Variants in CLTB observed in about 807,000 individuals in gnomAD.
CLTB encodes the protein clathrin, light chain (Lcb).
CLTB carries 10 observed loss-of-function variants against 30.5 expected under a neutral mutation model. The ratio of observed to expected loss-of-function variants is 0.33; its 90% CI spans 0.20 to 0.56. CLTB has a LOEUF of 0.56. CLTB is among the 20% of genes least tolerant of loss of function. The probability of loss-of-function intolerance (pLI) is 0.91; values close to 1 mark genes in which losing one functional copy is unlikely to be tolerated. For synonymous variants in CLTB, 102 were observed against 120.3 expected, an observed-to-expected ratio of 0.85 and a Z score of 1.00; for missense variants, 261 against 308.3, an observed-to-expected ratio of 0.85 and a Z score of 1.15.
chr5:176,397,747 G>C, intron 3 of CLTB, 29 bp from the exon 4 acceptor site: 1 of 1,598,144 alleles, frequency 6.3e-7, no homozygotes, highest in Non-Finnish European at 8.6e-7. Flanking sequence ...ATGAGTGGCT[G>C]CTTTCCAGCT....
intron 2 of CLTB, among the ~76,000 whole-genome samples, chr5:176,404,549 G>A (rs759496789): frequency 6.6e-6 from 1 of 152,160 alleles, no homozygotes; most frequent in Admixed American, 6.5e-5. Context: ...CTAAACCTCC[G>A]CTGCAGCCTG....
rs867203751 is a variant in CLTB, at chr5:176,412,036, C to T, written c.188-1733G>A. ...CTAAAAATACAAAAAATTAGCCAGG[C>T]GTGGTGGCAGGCGCCTGTAGTCCCA... On this transcript the variant is annotated intron_variant, in intron 1 of 5. Coordinates refer to ENST00000310418, the MANE Select transcript of CLTB (RefSeq NM_007097.5). Among the ~76,000 whole-genome samples, 56 of 152,068 alleles carry T rather than the reference C, an allele frequency of 3.7e-4. 1 individual carries two copies. The highest frequency in any genetic ancestry group is 8.3e-4 in the South Asian group (4 of 4,808).
intron 4 of CLTB, among the ~76,000 whole-genome samples, chr5:176,397,117 G>GACAT (rs1318789176): frequency 6.6e-6 from 1 of 152,090 alleles, no homozygotes; most frequent in Non-Finnish European, 1.5e-5. Flanking sequence ...GCCCTTTGAG[G>GACAT]ACATAAGGCT....
intron 2 of CLTB, chr5:176,406,630 T>G (rs1301435146): frequency 1.2e-5 from 16 of 1,289,404 alleles, no homozygotes; most frequent in Non-Finnish European, 1.6e-5. Flanking sequence ...CAAATGGAAC[T>G]GGAATAGTTG....
At chr5:176,415,027 A>G (rs142302570) in intron 1 of CLTB, among the ~76,000 whole-genome samples, 113 of 152,336 alleles carry the variant, frequency 7.4e-4, no homozygotes, top group African/African-American at 2.6e-3. Flanking sequence ...CCTTTCCAAA[A>G]TGACATCAAC....
rs1216104150 is a variant in CLTB at position 176,393,061 on chromosome 5, G to GC, written c.519-117dup. The GC allele has an allele frequency of 4.1e-5, 49 of 1,198,394 alleles. No homozygotes were observed. The highest frequency in any genetic ancestry group is 5.7e-5 in the Non-Finnish European group (47 of 827,330). The allele number at this position is 1,198,394 out of a possible 1,614,324, so 74.2% of individuals were successfully genotyped here. A position where few individuals can be genotyped will look rare whatever the true frequency, so the allele number is the denominator to read the frequency against. ...GGCACTGTGTCCTCCCCAGCCTTGTGCCCCCCTGACTTCAGAGGAGGGCAG... is the reference window on the plus strand; with the variant it reads ...GGCACTGTGTCCTCCCCAGCCTTGTGCCCCCCCTGACTTCAGAGGAGGGCAG... On this transcript the variant is annotated intron_variant, in intron 5 of 5. Transcript: ENST00000310418. This position sits in a 1 kb window ranked among gnomAD's most constrained non-coding sequence, Gnocchi z 4.4.
intron 2 of CLTB, among the ~76,000 whole-genome samples, chr5:176,398,946 G>A (rs549638718): frequency 4.6e-5 from 7 of 151,790 alleles, no homozygotes; most frequent in African/African-American, 9.7e-5. Flanking sequence ...AGGTTCAAGC[G>A]ATTTTCCTAC....
chr5:176,416,542 G>T (rs1170791071), upstream of CLTB: 2 of 351,726 alleles, frequency 5.7e-6, no homozygotes, highest in Admixed American at 5.4e-5. Flanking sequence ...CTGTCACTGC[G>T]GTGCGGGCGC....
At chr5:176,406,916 G>T (rs75033944) in intron 2 of CLTB, among the ~76,000 whole-genome samples, 3 of 152,186 alleles carry the variant, frequency 2.0e-5, no homozygotes, top group Non-Finnish European at 4.4e-5. Flanking sequence ...AAAGCACACC[G>T]GGTCGGAGCC....
intron 5 of CLTB, among the ~76,000 whole-genome samples, chr5:176,396,089 C>T (rs1268845210): frequency 6.6e-6 from 1 of 152,060 alleles, no homozygotes. Context: ...GAGCCGAGAT[C>T]GCAGCACTGC....
chr5:176,415,452 G>T (rs746123134), intron 1 of CLTB, among the ~76,000 whole-genome samples: 3 of 152,180 alleles, frequency 2.0e-5, no homozygotes, highest in Non-Finnish European at 4.4e-5. Flanking sequence ...GGAGGCAGAG[G>T]TGGGAGGATT....
At chr5:176,415,442 G>C (rs1757645701) in intron 1 of CLTB, among the ~76,000 whole-genome samples, 1 of 152,148 alleles carries the variant, frequency 6.6e-6, no homozygotes, top group African/African-American at 2.4e-5. Context: ...CAACACTTTA[G>C]GAGGCAGAGG....
rs1477470328 is a variant in CLTB at position 176,392,644 on chromosome 5, G to A, written c.*130C>T. On this transcript the variant is annotated 3_prime_UTR_variant, in exon 6 of 6. Transcript: ENST00000310418. The surrounding 1 kb of genome is among the most constrained non-coding windows in gnomAD (Gnocchi z 5.2). ...ATGGGGTGAGGGCCCCCCTCCCAGC[G>A]CCTGGAGATGGGGAGGAGTGGAATA... 7 of 1,078,802 alleles carry A rather than the reference G, an allele frequency of 6.5e-6. No individual in the cohort carries two copies. The highest frequency in any genetic ancestry group is 1.6e-5 in the African/African-American group (1 of 64,080). The allele number at this position is 1,078,802 out of a possible 1,614,324, so 66.8% of individuals were successfully genotyped here. A position where few individuals can be genotyped will look rare whatever the true frequency, so the allele number is the denominator to read the frequency against.
intron 2 of CLTB, among the ~76,000 whole-genome samples, chr5:176,408,106 C>T (rs62402501): frequency 0.22 from 33,162 of 151,998 alleles, 3,634 homozygotes; most frequent in Middle Eastern, 0.29. Flanking sequence ...TATTGCATGC[C>T]TCTGTGGTCT....
intron 1 of CLTB, among the ~76,000 whole-genome samples, chr5:176,413,699 G>A (rs1002954998): frequency 1.3e-5 from 2 of 152,196 alleles, no homozygotes; most frequent in African/African-American, 2.4e-5. Context: ...CAGGCTCCTG[G>A]CACACATCCC....
intron 2 of CLTB, among the ~76,000 whole-genome samples, chr5:176,407,277 G>C (rs1757179594): frequency 6.6e-6 from 1 of 152,154 alleles, no homozygotes; most frequent in Admixed American, 6.5e-5. Context: ...TAATCTTTAG[G>C]AAAGGTAAAT....
intron 2 of CLTB, 147 bp downstream of exon 2, chr5:176,410,110 C>G: frequency 1.4e-6 from 1 of 693,476 alleles, no homozygotes; most frequent in South Asian, 1.9e-5. Context: ...AAAAAAATTC[C>G]AAAAACCTTT....
At position 176,398,053 on chromosome 5, in the gene CLTB, AC is replaced by A; in HGVS notation, c.235-7del. 6.2e-7 allele frequency: 1 copy of A among 1,612,876 alleles called. No homozygotes were observed. The highest frequency in any genetic ancestry group is 8.5e-7 in the Non-Finnish European group (1 of 1,179,258). ...TCAGCAGGACCGTTGGCCTCCTAGAACACAAACACGCAGCAGTCTATCCAGC... is the reference window on the plus strand; with the variant it reads ...TCAGCAGGACCGTTGGCCTCCTAGAAACAAACACGCAGCAGTCTATCCAGC... On this transcript the variant is annotated splice_polypyrimidine_tract_variant and splice_region_variant and intron_variant, in intron 2 of 5. Coordinates refer to ENST00000310418, the MANE Select transcript of CLTB (RefSeq NM_007097.5).
rs149268243 is a variant in CLTB, at chr5:176,397,646, C to T, written c.425G>A (p.Arg142His). ...AKKDLEEWNQ[R>H]QSEQVEKNKI... ...GTTCTTCTCTACTTGTTCACTCTGG[C>T]GCTGGTTCCACTCCTCCAGGTCCTT... The change falls in exon 4 of 6, where the codon CGC (arginine) becomes CAC (histidine). Residue 142 changes from arginine to histidine, a missense_variant. By Grantham distance (29) the Arg-to-His change is conservative (BLOSUM62 0). This residue lies in a region of CLTB where 123 missense variants were observed against 157.0 expected (regional missense o/e 0.78). Transcript: ENST00000310418. 3.0e-4 allele frequency: 477 copies of T among 1,612,194 alleles called. 3 individuals carry two copies. Among genetic ancestry groups the T allele is most frequent in the Admixed American group, 3.7e-4 (22 of 59,794 alleles).
Sources: allele counts gnomAD v4.1 joint callset (sites outside exome capture counted in the v4.1 genomes callset), GRCh38; gene constraint gnomAD v4.1.1; regional missense constraint gnomAD v4.1.1; non-coding constraint Gnocchi (gnomAD v3.1); transcripts MANE v1.5; gene names NCBI Gene and HGNC (gene_info 2026-07-23, HGNC 2026-07-21).